COBLL1: variants seen among roughly 807,000 people sequenced by gnomAD.
COBLL1 encodes cordon-bleu WH2 repeat protein like 1, also known as cordon-bleu protein-like 1.
Under a neutral mutation model 94.8 loss-of-function variants are expected in COBLL1, and 50 were observed. That is an observed-to-expected ratio of 0.53 (90% CI 0.42 to 0.67). The LOEUF (loss-of-function observed/expected upper bound fraction) is 0.67, where lower values mean the gene tolerates loss of function less well. COBLL1 is among the 30% of genes least tolerant of loss of function. The probability of loss-of-function intolerance (pLI) is 0.00; values close to 1 mark genes in which losing one functional copy is unlikely to be tolerated. For missense variants in COBLL1, 1,362 were observed against 1,348.7 expected (o/e 1.01, Z -0.15); for synonymous variants, 448 against 473.8 (o/e 0.95, Z 0.71).
intron 2 of COBLL1, among the ~76,000 whole-genome samples, chr2:164,780,358 A>G (rs1242580409): frequency 1.3e-5 from 2 of 152,224 alleles, no homozygotes; most frequent in Non-Finnish European, 2.9e-5. Context: ...ATTTCTGGGA[A>G]TGAAAGGAAT....
intron 3 of COBLL1, among the ~76,000 whole-genome samples, chr2:164,734,318 T>C (rs1360602359): frequency 6.6e-6 from 1 of 151,986 alleles, no homozygotes; most frequent in Non-Finnish European, 1.5e-5. Flanking sequence ...GAAAGATAGC[T>C]TTGACAAGTA....
At position 164,794,280 on chromosome 2, in the gene COBLL1, C is replaced by T. The variant is rs148677009; in HGVS notation, c.41+46876G>A. On this transcript the variant is annotated intron_variant, in intron 2 of 13. Transcript: ENST00000652658. ...GTGTTGTTGTAAGGTTTAAATTATG[C>T]ATACCATAAATCATTCCATAGATGC... Among the ~76,000 whole-genome samples, 298 of 152,284 alleles carry T rather than the reference C, an allele frequency of 2.0e-3. 1 individual carries two copies. The highest frequency in any genetic ancestry group is 5.2e-3 in the South Asian group (25 of 4,822).
At chr2:164,788,850 A>AG (rs1683016533) in intron 2 of COBLL1, among the ~76,000 whole-genome samples, 1 of 151,742 alleles carries the variant, frequency 6.6e-6, no homozygotes, top group Non-Finnish European at 1.5e-5. Context: ...AAAAAAAAAA[A>AG]AGCCAGATAA....
At chr2:164,733,175 C>T (rs1350328955) in intron 3 of COBLL1, among the ~76,000 whole-genome samples, 3 of 152,108 alleles carry the variant, frequency 2.0e-5, no homozygotes, top group Non-Finnish European at 2.9e-5. Flanking sequence ...ATTTAAAATA[C>T]ATTTTTGATT....
intron 2 of COBLL1, among the ~76,000 whole-genome samples, chr2:164,826,860 A>C (rs183727830): frequency 3.6e-4 from 55 of 151,986 alleles, no homozygotes; most frequent in African/African-American, 1.3e-3. Context: ...GATCCCATTA[A>C]ATGATCATTT....
intron 1 of COBLL1, among the ~76,000 whole-genome samples, chr2:164,668,869 A>G (rs142195656): frequency 3.3e-5 from 5 of 152,298 alleles, no homozygotes; most frequent in African/African-American, 1.2e-4. Flanking sequence ...GCCTGAATTT[A>G]TATACTTTTT....
intron 2 of COBLL1, among the ~76,000 whole-genome samples, chr2:164,806,211 T>C (rs1574624401): frequency 6.6e-6 from 1 of 152,278 alleles, no homozygotes; most frequent in South Asian, 2.1e-4. Flanking sequence ...CCATTTCTTC[T>C]ATAACAGTGA....
intron 12 of COBLL1, 102 bp downstream of exon 12, chr2:164,694,167 G>A (rs1683768685): frequency 9.2e-7 from 1 of 1,091,386 alleles, no homozygotes; most frequent in African/African-American, 1.6e-5. Context: ...AGATGAATAT[G>A]AGTTCAGAGT....
chr2:164,749,823 T>C (rs111620578), intron 2 of COBLL1, among the ~76,000 whole-genome samples: 1 of 152,166 alleles, frequency 6.6e-6, no homozygotes, highest in African/African-American at 2.4e-5. Flanking sequence ...AGGTTGCCAA[T>C]AACCTATGAG....
intron 7 of COBLL1, among the ~76,000 whole-genome samples, chr2:164,714,320 T>C (rs769088856): frequency 1.3e-5 from 2 of 148,550 alleles, no homozygotes; most frequent in African/African-American, 2.5e-5. Flanking sequence ...GCATACAGCA[T>C]TTAGTAAAAG....
At chr2:164,828,160 T>C (rs915226132) in intron 2 of COBLL1, among the ~76,000 whole-genome samples, 2 of 152,224 alleles carry the variant, frequency 1.3e-5, no homozygotes, top group African/African-American at 2.4e-5. Flanking sequence ...ATCGTTCCAA[T>C]GGACAAGTAA....
At chr2:164,697,821 A>G (rs1684032975) in intron 11 of COBLL1, 1 of 152,056 alleles carries the variant, frequency 6.6e-6, no homozygotes, top group Admixed American at 6.6e-5. Flanking sequence ...ACAACTGACA[A>G]TGATGTTAAC....
chr2:164,790,653 TCTGAAATTAAACAG>T (rs1420844575), intron 2 of COBLL1, among the ~76,000 whole-genome samples: 9 of 152,130 alleles, frequency 5.9e-5, no homozygotes, highest in Non-Finnish European at 1.0e-4. Context: ...GAGACAAATG[TCTGAAATTAAACAG>T]CAACAAAGAG....
chr2:164,694,787 A>G lies in COBLL1; in HGVS notation c.2605T>C (p.Leu869=), dbSNP rs761557942. The change falls in exon 12 of 14, where the codon TTG becomes CTG. Residue 869 remains leucine, a synonymous_variant. Transcript: ENST00000652658. The stretch of plus-strand genomic sequence containing the variant: ...CCCGATACTCTCTTCTGCATCTGCA[A>G]AAAAAAAGAGCTGGGTTTGGCCTGG... ...NAQAKPSSFF[L]QMQKRVSGHY... is the part of the protein sequence containing the mutation. The G allele has an allele frequency of 3.1e-6, 5 of 1,613,246 alleles. No homozygotes were observed. Among genetic ancestry groups the G allele is most frequent in the Admixed American group, 3.3e-5 (2 of 59,836 alleles).
chr2:164,841,741 G>A lies in COBLL1; in HGVS notation c.-82C>T, dbSNP rs1028717023. On this transcript the variant is annotated 5_prime_UTR_variant, in exon 1 of 14. Transcript: ENST00000652658. This position sits in a 1 kb window ranked among gnomAD's most constrained non-coding sequence, Gnocchi z 5.5. ...TTCCAAAGGAGACAGTAGCTCGCCT[G>A]TTCTCCCTCGCGGCTTCCTCTCCTA... 2.7e-4 allele frequency: 146 copies of A among 533,358 alleles called. No homozygotes were observed. The African/African-American group carries it at 2.8e-3, about 10-fold the overall frequency. The allele number at this position is 533,358 out of a possible 1,614,324, so 33.0% of individuals were successfully genotyped here.
At chr2:164,838,544 GAT>G (rs1683432624) in intron 2 of COBLL1, among the ~76,000 whole-genome samples, 1 of 152,088 alleles carries the variant, frequency 6.6e-6, no homozygotes, top group Non-Finnish European at 1.5e-5. Flanking sequence ...GTCAAGAAAA[GAT>G]AAAAAGCAAT....
intron 2 of COBLL1, among the ~76,000 whole-genome samples, chr2:164,818,579 TACATATGTACACATATATA>T (rs1285191947): frequency 6.7e-6 from 1 of 148,358 alleles, no homozygotes; most frequent in East Asian, 2.0e-4. Flanking sequence ...AGCATATATG[TACATATGTACACATATATA>T]GCATATGTGT....
chr2:164,836,092 G>T (rs896613079), intron 2 of COBLL1, among the ~76,000 whole-genome samples: 1 of 151,898 alleles, frequency 6.6e-6, no homozygotes, highest in Non-Finnish European at 1.5e-5. Flanking sequence ...TGATTTTGAA[G>T]GGCAAGTATA....
At chr2:164,814,227 C>A (rs937665538) in intron 2 of COBLL1, among the ~76,000 whole-genome samples, 1 of 152,036 alleles carries the variant, frequency 6.6e-6, no homozygotes, top group South Asian at 2.1e-4. Flanking sequence ...TCTGATAAAT[C>A]GGGACAAAGA....
Sources: gnomAD v4.1 joint callset for allele counts (sites outside exome capture counted in the v4.1 genomes callset) on GRCh38, gnomAD v4.1.1 for gene constraint, Gnocchi (gnomAD v3.1) non-coding constraint, MANE v1.5 for transcripts, NCBI Gene and HGNC (gene_info 2026-07-23, HGNC 2026-07-21) for gene names.